Variants in ACTR3C observed in about 807,000 individuals in gnomAD.
ACTR3C encodes the protein actin related protein 3C.
ACTR3C carries 18 observed loss-of-function variants against 26.3 expected under a neutral mutation model. The ratio of observed to expected loss-of-function variants is 0.68; its 90% CI spans 0.47 to 1.01. The LOEUF (loss-of-function observed/expected upper bound fraction) is 1.01. ACTR3C is among the 50% of genes least tolerant of loss of function. ACTR3C has a pLI of 0.00. For synonymous variants in ACTR3C, 55 were observed against 94.5 expected, an observed-to-expected ratio of 0.58 and a Z score of 2.42; for missense variants, 184 against 250.7, an observed-to-expected ratio of 0.73 and a Z score of 1.80.
At chr7:149,995,880 G>C in the ACTR3C span, among the ~76,000 whole-genome samples, 3 of 152,250 alleles carry the variant, frequency 2.0e-5, no homozygotes, top group South Asian at 2.1e-4. Context: ...GGAAGGGAAG[G>C]CTTCACAGCA....
the ACTR3C span, among the ~76,000 whole-genome samples, chr7:150,099,011 G>A: frequency 6.7e-6 from 1 of 149,748 alleles, no homozygotes; most frequent in Admixed American, 6.6e-5. Flanking sequence ...GCATTATTTA[G>A]AAGAGGTAAA....
chr7:150,104,449 C>T, the ACTR3C span, among the ~76,000 whole-genome samples: 3 of 151,744 alleles, frequency 2.0e-5, no homozygotes, highest in Non-Finnish European at 2.9e-5. Context: ...GCCAATACTA[C>T]GTGAAATAAA....
At chr7:149,927,101 C>T in the ACTR3C span, among the ~76,000 whole-genome samples, 4 of 151,834 alleles carry the variant, frequency 2.6e-5, no homozygotes, top group Non-Finnish European at 4.4e-5. Flanking sequence ...GCACTTTTAC[C>T]GAACTGGTCT....
the ACTR3C span, among the ~76,000 whole-genome samples, chr7:150,034,532 C>T: frequency 5.3e-5 from 8 of 151,568 alleles, no homozygotes; most frequent in Admixed American, 2.0e-4. Context: ...TTGGGATCCA[C>T]AGTCTACAAA....
rs539121568 is a variant in ACTR3C, at chr7:150,254,470, A to C, written c.565-5416T>G. ...CAGTCTTAAAACTTAAACATGTTAC[A>C]TTTGTATTATCTGAGTTCCTTTCTC... On this transcript the variant is annotated intron_variant, in intron 6 of 7. Transcript: ENST00000683684. 1.0e-3 allele frequency among the ~76,000 whole-genome samples: 158 copies of C among 152,160 alleles called. 1 individual carries two copies. Among genetic ancestry groups the C allele is most frequent in the Middle Eastern group, 6.8e-3 (2 of 294 alleles).
the ACTR3C span, among the ~76,000 whole-genome samples, chr7:150,043,933 A>AACC: frequency 1.3e-5 from 2 of 152,200 alleles, no homozygotes; most frequent in Non-Finnish European, 2.9e-5. Context: ...GTGGAGGAAA[A>AACC]AAGATTGGTT....
the ACTR3C span, chr7:149,882,083 G>GA: frequency 6.6e-6 from 1 of 152,398 alleles, no homozygotes; most frequent in East Asian, 1.9e-4. Context: ...TTCCCATGTC[G>GA]CTGTGGGTCA....
chr7:150,004,193 TGTGTGTTATGTG>T, the ACTR3C span, among the ~76,000 whole-genome samples: 20 of 151,706 alleles, frequency 1.3e-4, no homozygotes, highest in South Asian at 2.1e-4. Context: ...ATATGTAGCA[TGTGTGTTATGTG>T]GTGTGTTATG....
intron 1 of ACTR3C, among the ~76,000 whole-genome samples, chr7:150,311,072 G>T (rs185503711): frequency 2.2e-3 from 341 of 152,122 alleles, no homozygotes; most frequent in Non-Finnish European, 3.8e-3. Context: ...TGCAACTCTG[G>T]GTACCAAACT....
At chr7:150,033,365 A>G in the ACTR3C span, among the ~76,000 whole-genome samples, 4 of 152,114 alleles carry the variant, frequency 2.6e-5, no homozygotes, top group Non-Finnish European at 4.4e-5. Context: ...CTGTCCCTGG[A>G]GGCTTCCCGA....
chr7:150,028,790 C>T, the ACTR3C span, among the ~76,000 whole-genome samples: 2 of 152,266 alleles, frequency 1.3e-5, no homozygotes. Flanking sequence ...CCAAAGCCAC[C>T]CTCCCTGCAG....
chr7:150,318,453 A>G (rs1797159766), intron 1 of ACTR3C, among the ~76,000 whole-genome samples: 1 of 152,194 alleles, frequency 6.6e-6, no homozygotes, highest in African/African-American at 2.4e-5. Flanking sequence ...GAAAACTAAT[A>G]AAGATGCCAA....
At chr7:150,200,449 A>G in the ACTR3C span, among the ~76,000 whole-genome samples, 278 of 152,324 alleles carry the variant, frequency 1.8e-3, no homozygotes, top group African/African-American at 6.3e-3. Context: ...TTCAAAAGAC[A>G]GATAACTGAG....
the ACTR3C span, among the ~76,000 whole-genome samples, chr7:150,176,283 T>C: frequency 6.6e-6 from 1 of 150,758 alleles, no homozygotes; most frequent in Non-Finnish European, 1.5e-5. Context: ...CCTTTTTTTA[T>C]TTCCTTGGGT....
the ACTR3C span, among the ~76,000 whole-genome samples, chr7:150,132,488 C>A: frequency 5.3e-5 from 8 of 152,124 alleles, no homozygotes; most frequent in Non-Finnish European, 1.2e-4. Flanking sequence ...AAGCAGCCAA[C>A]AAACATATGA....
At chr7:149,960,839 G>A in the ACTR3C span, among the ~76,000 whole-genome samples, 1 of 152,246 alleles carries the variant, frequency 6.6e-6, no homozygotes, top group African/African-American at 2.4e-5. Context: ...TCATGTGCAA[G>A]AATCCCAAGA....
the ACTR3C span, among the ~76,000 whole-genome samples, chr7:150,015,872 A>G: frequency 6.6e-6 from 1 of 152,164 alleles, no homozygotes; most frequent in Non-Finnish European, 1.5e-5. Context: ...CTGGTAGTGT[A>G]TGTCTGTTGT....
chr7:150,067,925 A>G, the ACTR3C span, among the ~76,000 whole-genome samples: 1 of 152,108 alleles, frequency 6.6e-6, no homozygotes, highest in African/African-American at 2.4e-5. Context: ...TGAGACAGAA[A>G]AAAAATGAAC....
At chr7:150,088,084 C>T in the ACTR3C span, among the ~76,000 whole-genome samples, 1 of 152,220 alleles carries the variant, frequency 6.6e-6, no homozygotes, top group Non-Finnish European at 1.5e-5. Flanking sequence ...AGATACAAGT[C>T]TCTTGTCAGA....
Sources: allele counts gnomAD v4.1 joint callset (sites outside exome capture counted in the v4.1 genomes callset), GRCh38; gene constraint gnomAD v4.1.1; transcripts MANE v1.5; gene names NCBI Gene and HGNC (gene_info 2026-07-23, HGNC 2026-07-21).